The following RASGRF1 variants were observed in gnomAD, a reference collection of about 807,000 sequenced individuals.
The protein encoded by RASGRF1 is ras-specific guanine nucleotide-releasing factor 1.
In RASGRF1, 40 loss-of-function variants were observed where a neutral mutation model predicts 138.7. The observed-to-expected ratio is 0.29, with a 90% CI of 0.22 to 0.38. The LOEUF is 0.38. RASGRF1 is among the 10% of genes least tolerant of loss of function. The pLI is 1.00. For missense variants in RASGRF1, 1,108 were observed against 1,650.4 expected, an observed-to-expected ratio of 0.67 and a Z score of 5.69; for synonymous variants, 614 against 663.2, an observed-to-expected ratio of 0.93 and a Z score of 1.14.
At chr15:78,992,250 G>A (rs1260151310) in intron 20 of RASGRF1, among the ~76,000 whole-genome samples, 1 of 152,248 alleles carries the variant, frequency 6.6e-6, no homozygotes, top group Non-Finnish European at 1.5e-5. Context: ...AAACTAGCAG[G>A]TGTGGACTCC....
intron 22 of RASGRF1, among the ~76,000 whole-genome samples, chr15:78,989,491 TG>T (rs1368963914): frequency 1.3e-5 from 2 of 151,386 alleles, no homozygotes; most frequent in Non-Finnish European, 2.9e-5. Context: ...CGCTCAGCAC[TG>T]TGGCCTTCTA....
intron 3 of RASGRF1, among the ~76,000 whole-genome samples, chr15:79,053,535 A>C (rs2057461344): frequency 6.6e-6 from 1 of 152,234 alleles, no homozygotes; most frequent in African/African-American, 2.4e-5. Flanking sequence ...GAGTCTTCTC[A>C]TAGGTAGATG....
chr15:79,007,772 C>G (rs1461211047), intron 13 of RASGRF1, among the ~76,000 whole-genome samples: 1 of 151,558 alleles, frequency 6.6e-6, no homozygotes, highest in Non-Finnish European at 1.5e-5. Context: ...AGGCTGGTCT[C>G]GAATTCCAGG....
chr15:78,968,329 T>G (rs2055685433), intron 26 of RASGRF1, among the ~76,000 whole-genome samples: 1 of 151,632 alleles, frequency 6.6e-6, no homozygotes, highest in South Asian at 2.1e-4. Context: ...TAGTGTGCAG[T>G]GGTGCAATGA....
At position 78,973,500 on chromosome 15, in the gene RASGRF1, C is replaced by T. The variant is rs2055813213; in HGVS notation, c.3495-80G>A. 9.2e-7 allele frequency: 1 copy of T among 1,087,776 alleles called. No homozygotes were observed. The highest frequency in any genetic ancestry group is 1.4e-6 in the Non-Finnish European group (1 of 728,462). The allele number at this position is 1,087,776 out of a possible 1,614,324, so 67.4% of individuals were successfully genotyped here. A position where few individuals can be genotyped will look rare whatever the true frequency, so the allele number is the denominator to read the frequency against. On this transcript the variant is annotated intron_variant, in intron 24 of 26. Coordinates refer to ENST00000558480, the MANE Select transcript of RASGRF1 (RefSeq NM_001145648.3). The surrounding 1 kb of genome is among the most constrained non-coding windows in gnomAD (Gnocchi z 4.9). ...CCAAGAACAGAACATCCCGCATGCACCTTTTGCTTTGCTAGAGGCAAAGGG... is the reference window on the plus strand; with the variant it reads ...CCAAGAACAGAACATCCCGCATGCATCTTTTGCTTTGCTAGAGGCAAAGGG...
intron 1 of RASGRF1, among the ~76,000 whole-genome samples, chr15:79,084,102 A>G (rs2057948963): frequency 6.6e-6 from 1 of 152,214 alleles, no homozygotes; most frequent in Admixed American, 6.5e-5. Flanking sequence ...ACAGTTAAAA[A>G]TGGGACTGCT....
chr15:79,034,321 G>C (rs1001786038), intron 6 of RASGRF1, among the ~76,000 whole-genome samples: 2 of 149,948 alleles, frequency 1.3e-5, no homozygotes, highest in African/African-American at 4.9e-5. Context: ...GGTGTAGGTT[G>C]AGGGTGAGAT....
chr15:79,028,483 G>C (rs1262902447), intron 8 of RASGRF1, among the ~76,000 whole-genome samples: 1 of 152,154 alleles, frequency 6.6e-6, no homozygotes, highest in African/African-American at 2.4e-5. Context: ...CCTTCTGGGA[G>C]GGAATATAGA....
chr15:78,966,794 G>GTAGC (rs757492712), intron 26 of RASGRF1, among the ~76,000 whole-genome samples: 4 of 152,126 alleles, frequency 2.6e-5, no homozygotes, highest in Non-Finnish European at 5.9e-5. Flanking sequence ...TTAGCCACGT[G>GTAGC]TAGCTACTGA....
chr15:78,975,798 G>T (rs1343370663), intron 24 of RASGRF1, among the ~76,000 whole-genome samples: 1 of 152,168 alleles, frequency 6.6e-6, no homozygotes, highest in Non-Finnish European at 1.5e-5. Context: ...CAGATTACAG[G>T]TGTGAGCCAC....
chr15:78,968,250 A>ATGTGTGGGTGTGTGTGTG (rs1555449271), intron 26 of RASGRF1, among the ~76,000 whole-genome samples: 62 of 134,328 alleles, frequency 4.6e-4, no homozygotes, highest in Middle Eastern at 3.9e-3. Context: ...CATGACACTG[A>ATGTGTGGGTGTGTGTGTG]TGTGTGTGTG....
rs1223985726 is a variant in RASGRF1, at chr15:79,003,805, G to A, written c.2446C>T (p.Gln816Ter). 1.3e-6 allele frequency: 2 copies of A among 1,589,058 alleles called. No individual in the cohort carries two copies. Among genetic ancestry groups the A allele is most frequent in the South Asian group, 1.1e-5 (1 of 87,886 alleles). The part of the protein sequence containing the change: ...KPEDPSALSK[Q>*]SSEVSMREES... The stretch of plus-strand genomic sequence containing the variant: ...CTCCGACGGCATGGCCACTCACTCT[G>A]CTTGCTGAGCGCTGAAGGGTCTTCG... Residue 816 changes from glutamine to a stop codon, truncating the protein, a stop_gained, in exon 15 of 27, where the codon CAG becomes TAG. Coordinates refer to ENST00000558480, the MANE Select transcript of RASGRF1 (RefSeq NM_001145648.3). LOFTEE classifies it high-confidence loss of function.
Position 79,029,531 on chromosome 15 carries a change from C to T in RASGRF1, c.1263-1672G>A, listed in dbSNP as rs139846717. 2.1e-3 allele frequency among the ~76,000 whole-genome samples: 325 copies of T among 152,066 alleles called. 1 individual carries two copies. Among genetic ancestry groups the T allele is most frequent in the African/African-American group, 4.2e-3 (175 of 41,468 alleles). ...ACACAGCTGGGGAGCTCTGGGAAGGCGGTGGGAGTTTCAAGGTCGCGAGGC... is the reference window on the plus strand; with the variant it reads ...ACACAGCTGGGGAGCTCTGGGAAGGTGGTGGGAGTTTCAAGGTCGCGAGGC... On this transcript the variant is annotated intron_variant, in intron 8 of 26. Transcript: ENST00000558480.
chr15:78,989,683 G>A (rs913162691), intron 22 of RASGRF1, among the ~76,000 whole-genome samples: 36 of 152,170 alleles, frequency 2.4e-4, no homozygotes, highest in African/African-American at 8.2e-4. Flanking sequence ...AACCTTAGGA[G>A]ATTCCGAGGG....
chr15:79,042,317 A>T (rs1333141180), intron 5 of RASGRF1, among the ~76,000 whole-genome samples: 3 of 152,230 alleles, frequency 2.0e-5, no homozygotes, highest in Admixed American at 6.5e-5. Flanking sequence ...AATCTAGGGG[A>T]CAGCTACATA....
At chr15:79,052,134 C>T (rs1218430049) in intron 3 of RASGRF1, among the ~76,000 whole-genome samples, 1 of 152,192 alleles carries the variant, frequency 6.6e-6, no homozygotes. Flanking sequence ...TCTTGGCTGG[C>T]TCCTGCCCAC....
rs574338980 is a variant in RASGRF1, at chr15:78,960,620, T to G, written c.*1524A>C. 1 of 152,332 alleles carries G rather than the reference T, an allele frequency of 6.6e-6. No individual in the cohort carries two copies. The highest frequency in any genetic ancestry group is 2.4e-5 in the African/African-American group (1 of 41,566). The allele number at this position is 152,332 out of a possible 1,614,324, so 9.4% of individuals were successfully genotyped here. ...ACTCCAGTCCCAGTTGCTGAGTGACTGAAACTTCATGAGAGACTCCAAATA... is the reference window on the plus strand; with the variant it reads ...ACTCCAGTCCCAGTTGCTGAGTGACGGAAACTTCATGAGAGACTCCAAATA... On this transcript the variant is annotated 3_prime_UTR_variant, in exon 27 of 27. Coordinates refer to ENST00000558480, the MANE Select transcript of RASGRF1 (RefSeq NM_001145648.3).
At chr15:79,074,562 A>G (rs1017674440) in intron 1 of RASGRF1, among the ~76,000 whole-genome samples, 1 of 152,198 alleles carries the variant, frequency 6.6e-6, no homozygotes, top group African/African-American at 2.4e-5. Flanking sequence ...GGAAGGTGCC[A>G]TGGGCTGTGT....
intron 9 of RASGRF1, among the ~76,000 whole-genome samples, chr15:79,026,430 G>C (rs951162490): frequency 3.9e-5 from 6 of 152,200 alleles, no homozygotes; most frequent in African/African-American, 1.4e-4. Flanking sequence ...GCATCAGGGA[G>C]ATCCACCTGG....
Sources: allele counts gnomAD v4.1 joint callset (sites outside exome capture counted in the v4.1 genomes callset), GRCh38; gene constraint gnomAD v4.1.1; non-coding constraint Gnocchi (gnomAD v3.1); transcripts MANE v1.5; gene names NCBI Gene and HGNC (gene_info 2026-07-23, HGNC 2026-07-21).